Variants in USO1 observed in about 807,000 individuals in gnomAD.
USO1 encodes the protein general vesicular transport factor p115.
Under a neutral mutation model 124.5 loss-of-function variants are expected in USO1, and 57 were observed. The ratio of observed to expected loss-of-function variants is 0.46; its 90% CI spans 0.37 to 0.57. The LOEUF is 0.57. Ranked by LOEUF, USO1 falls within the 20% of genes least tolerant of loss-of-function variation. The probability of loss-of-function intolerance (pLI) is 0.00; values close to 1 mark genes in which losing one functional copy is unlikely to be tolerated. For synonymous variants in USO1, 369 were observed against 362.8 expected (o/e 1.02, Z -0.19); for missense variants, 900 against 1,040.6 (o/e 0.86, Z 1.86).
intron 9 of USO1, 122 bp downstream of exon 9, chr4:75,782,980 A>C (rs1338423756): frequency 1.4e-5 from 19 of 1,314,938 alleles, no homozygotes; most frequent in Non-Finnish European, 1.9e-5. Context: ...GCTTAAAAAA[A>C]CTGTAATATG....
At chr4:75,795,886 G>A (rs1022255454) in intron 13 of USO1, among the ~76,000 whole-genome samples, 15 of 150,832 alleles carry the variant, frequency 9.9e-5, no homozygotes, top group African/African-American at 2.7e-4. Context: ...CTGAGGATTC[G>A]TTTTTGTTGT....
intron 8 of USO1, among the ~76,000 whole-genome samples, chr4:75,775,782 C>T (rs186372228): frequency 2.6e-5 from 4 of 151,898 alleles, no homozygotes; most frequent in East Asian, 1.9e-4. Flanking sequence ...GTGGAAGAAA[C>T]GAAAATCTCT....
intron 4 of USO1, among the ~76,000 whole-genome samples, chr4:75,764,824 T>C (rs1366834193): frequency 6.6e-6 from 1 of 152,206 alleles, no homozygotes; most frequent in Non-Finnish European, 1.5e-5. Flanking sequence ...TGTGTCAACG[T>C]TTGTATTTTA....
chr4:75,727,002 A>G (rs953367708), intron 1 of USO1, among the ~76,000 whole-genome samples: 1 of 152,218 alleles, frequency 6.6e-6, no homozygotes, highest in Non-Finnish European at 1.5e-5. Flanking sequence ...ATTAAGTGAA[A>G]TAAGTAGAAA....
At chr4:75,782,602 T>G in intron 8 of USO1, 78 bp from the exon 9 acceptor site, 1 of 1,472,376 alleles carries the variant, frequency 6.8e-7, no homozygotes, top group Non-Finnish European at 9.0e-7. Context: ...CATGGAGATT[T>G]ATCTTTTTAA....
At chr4:75,789,130 T>C (rs1221243910) in intron 10 of USO1, among the ~76,000 whole-genome samples, 1 of 152,176 alleles carries the variant, frequency 6.6e-6, no homozygotes, top group African/African-American at 2.4e-5. Flanking sequence ...AATTTACTGA[T>C]GATGTGCTGA....
At chr4:75,771,268 A>T (rs1721920707) in intron 7 of USO1, 131 bp downstream of exon 7, 6 of 1,080,498 alleles carry the variant, frequency 5.6e-6, no homozygotes, top group Non-Finnish European at 7.6e-6. Context: ...TAAAAAAATT[A>T]AAAATTAGTA....
intron 1 of USO1, among the ~76,000 whole-genome samples, chr4:75,739,563 C>G (rs1259526556): frequency 9.3e-6 from 1 of 107,750 alleles, no homozygotes. Context: ...TTTTTTGAGA[C>G]AGAGTCTGAC....
At chr4:75,804,362 GT>G in intron 18 of USO1, 90 bp downstream of exon 18, 1 of 1,455,542 alleles carries the variant, frequency 6.9e-7, no homozygotes, top group Non-Finnish European at 9.1e-7. Flanking sequence ...CTGTGGACTA[GT>G]ATTTTTCTAA....
At chr4:75,758,371 TA>T (rs1172845209) in intron 4 of USO1, among the ~76,000 whole-genome samples, 1 of 152,230 alleles carries the variant, frequency 6.6e-6, no homozygotes, top group Non-Finnish European at 1.5e-5. Flanking sequence ...TTTATAAATC[TA>T]ATTTAGACTG....
intron 19 of USO1, 59 bp downstream of exon 19, chr4:75,805,362 C>A: frequency 6.9e-7 from 1 of 1,440,730 alleles, no homozygotes; most frequent in Non-Finnish European, 9.1e-7. Context: ...CATTATCCTG[C>A]CTTTTTTTTT....
chr4:75,791,717 A>G (rs1359034745), intron 12 of USO1, among the ~76,000 whole-genome samples: 1 of 152,196 alleles, frequency 6.6e-6, no homozygotes, highest in Admixed American at 6.5e-5. Flanking sequence ...TCATAAAGGT[A>G]ATTGGAAACA....
At chr4:75,725,181 C>G (rs528843123) in intron 1 of USO1, among the ~76,000 whole-genome samples, 1 of 152,188 alleles carries the variant, frequency 6.6e-6, no homozygotes, top group Non-Finnish European at 1.5e-5. Flanking sequence ...CGGGAAGGGA[C>G]GGATGCGCGG....
At position 75,801,205 on chromosome 4, in the gene USO1, G is replaced by A; in HGVS notation, c.1986+5G>A. On this transcript the variant is annotated splice_donor_5th_base_variant and intron_variant, in intron 17 of 23. Transcript: ENST00000514213. ...AAAAATATGATTCGAGAGCAGGTAA[G>A]TACTAATGAACTGTATATACCCTCT... The A allele has an allele frequency of 6.2e-7, 1 of 1,602,266 alleles. No homozygotes were observed. Among genetic ancestry groups the A allele is most frequent in the Non-Finnish European group, 8.5e-7 (1 of 1,175,866 alleles).
At position 75,788,328 on chromosome 4, in the gene USO1, C is replaced by T. The variant is rs534758056; in HGVS notation, c.996+1126C>T. The stretch of plus-strand genomic sequence containing the variant: ...GATTACAGGCACCCGCCACCATGCC[C>T]GGCTAATTTTTGTAATTTTAGTAGA... On this transcript the variant is annotated intron_variant, in intron 10 of 23. Coordinates refer to ENST00000514213, the MANE Select transcript of USO1 (RefSeq NM_003715.4). Among the ~76,000 whole-genome samples the T allele has an allele frequency of 4.0e-3, 597 of 151,016 alleles. 4 individuals carry two copies. The highest frequency in any genetic ancestry group is 3.4e-3 in the Non-Finnish European group (230 of 67,726).
At chr4:75,802,246 C>T (rs1722871706) in intron 17 of USO1, among the ~76,000 whole-genome samples, 1 of 152,078 alleles carries the variant, frequency 6.6e-6, no homozygotes, top group African/African-American at 2.4e-5. Flanking sequence ...AAATTTGAAT[C>T]ATCAAACTAC....
At chr4:75,746,468 T>C (rs997165751) in intron 1 of USO1, among the ~76,000 whole-genome samples, 5 of 151,556 alleles carry the variant, frequency 3.3e-5, no homozygotes, top group Non-Finnish European at 5.9e-5. Flanking sequence ...ATAATAGTTT[T>C]GAGATCTACA....
intron 4 of USO1, among the ~76,000 whole-genome samples, chr4:75,764,003 T>C (rs1018808145): frequency 2.0e-5 from 3 of 152,314 alleles, no homozygotes; most frequent in South Asian, 2.1e-4. Flanking sequence ...TGCTGTCTTA[T>C]GACTGTAACT....
intron 13 of USO1, among the ~76,000 whole-genome samples, chr4:75,795,584 A>G (rs1290454636): frequency 1.3e-5 from 2 of 152,110 alleles, no homozygotes; most frequent in African/African-American, 4.8e-5. Flanking sequence ...ATCTGAATCT[A>G]TACTTGTGCT....
Sources: gnomAD v4.1 joint callset for allele counts (sites outside exome capture counted in the v4.1 genomes callset) on GRCh38, gnomAD v4.1.1 for gene constraint, MANE v1.5 for transcripts, NCBI Gene and HGNC (gene_info 2026-07-23, HGNC 2026-07-21) for gene names.